The following UBE2QL1 variants were observed in gnomAD, a reference collection of about 807,000 sequenced individuals.
UBE2QL1 encodes the protein ubiquitin-conjugating enzyme E2Q-like protein 1.
Under a neutral mutation model 12.6 loss-of-function variants are expected in UBE2QL1, and 5 were observed. The ratio of observed to expected loss-of-function variants is 0.40; its 90% CI spans 0.21 to 0.83. UBE2QL1 has a LOEUF of 0.83. UBE2QL1 is among the 40% of genes least tolerant of loss of function. The probability of loss-of-function intolerance (pLI) is 0.37; values close to 1 mark genes in which losing one functional copy is unlikely to be tolerated. For missense variants in UBE2QL1, 99 were observed against 222.6 expected (o/e 0.44, Z 3.53); for synonymous variants, 96 against 94.5 (o/e 1.02, Z -0.10).
At chr5:6,470,802 A>G (rs1463100732) in intron 1 of UBE2QL1, among the ~76,000 whole-genome samples, 1 of 152,148 alleles carries the variant, frequency 6.6e-6, no homozygotes, top group African/African-American at 2.4e-5. Flanking sequence ...CTTGTACCCT[A>G]ATTACCATAG....
rs186796545 is a variant in UBE2QL1 at position 6,495,905 on chromosome 5, C to T, written c.*4556C>T. ...TTTTAAGCCCAGGGCCTGTCTGATC[C>T]ACAGAATGTGGTCAATAATCTGGAA... On this transcript the variant is annotated 3_prime_UTR_variant, in exon 2 of 2. Coordinates refer to ENST00000399816, the MANE Select transcript of UBE2QL1 (RefSeq NM_001145161.3). Among the ~76,000 whole-genome samples the T allele has an allele frequency of 1.1e-3, 164 of 152,272 alleles. 1 individual carries two copies. Among genetic ancestry groups the T allele is most frequent in the African/African-American group, 3.8e-3 (156 of 41,548 alleles).
intron 1 of UBE2QL1, among the ~76,000 whole-genome samples, chr5:6,480,920 T>A (rs966902665): frequency 2.2e-4 from 34 of 152,200 alleles, no homozygotes; most frequent in African/African-American, 8.2e-4. Flanking sequence ...GGCAAGCATT[T>A]CATAAACCTC....
At chr5:6,470,535 C>T (rs1360877499) in intron 1 of UBE2QL1, among the ~76,000 whole-genome samples, 1 of 152,224 alleles carries the variant, frequency 6.6e-6, no homozygotes, top group Non-Finnish European at 1.5e-5. Context: ...TGTGCACACA[C>T]ACACTTCCAC....
intron 1 of UBE2QL1, among the ~76,000 whole-genome samples, chr5:6,475,542 C>T (rs559324858): frequency 6.6e-6 from 1 of 152,308 alleles, no homozygotes; most frequent in South Asian, 2.1e-4. Context: ...TGGAATGATA[C>T]TGTATGGCCC....
chr5:6,494,707 A>G lies in UBE2QL1; in HGVS notation c.*3358A>G, dbSNP rs1734637878. The G allele has an allele frequency of 6.6e-6, 1 of 152,234 alleles. No individual in the cohort carries two copies. Among genetic ancestry groups the G allele is most frequent in the Non-Finnish European group, 1.5e-5 (1 of 68,046 alleles). The allele number at this position is 152,234 out of a possible 1,614,324, so 9.4% of individuals were successfully genotyped here. ...AGAACCCACTTAGATATCGACTCAG[A>G]ATGATCAATTACAGTGGTTAAAATA... On this transcript the variant is annotated 3_prime_UTR_variant, in exon 2 of 2. Coordinates refer to ENST00000399816, the MANE Select transcript of UBE2QL1 (RefSeq NM_001145161.3).
chr5:6,485,046 A>G (rs1236523269), intron 1 of UBE2QL1, among the ~76,000 whole-genome samples: 1 of 152,058 alleles, frequency 6.6e-6, no homozygotes, highest in East Asian at 1.9e-4. Flanking sequence ...ATGGACACAC[A>G]TGCTCACATG....
chr5:6,448,871 C>T lies in UBE2QL1; in HGVS notation c.-23C>T, dbSNP rs1174306202. 3.4e-6 allele frequency: 5 copies of T among 1,468,386 alleles called. No homozygotes were observed. The highest frequency in any genetic ancestry group is 4.5e-6 in the Non-Finnish European group (5 of 1,107,336). The allele number at this position is 1,468,386 out of a possible 1,614,324, so 91.0% of individuals were successfully genotyped here. A position where few individuals can be genotyped will look rare whatever the true frequency, so the allele number is the denominator to read the frequency against. The stretch of plus-strand genomic sequence containing the variant: ...CCCGCGGCGCGCCAGCAACACTGCA[C>T]GCAGGTGCGCAGCCGGCGGCTCATG... On this transcript the variant is annotated 5_prime_UTR_variant, in exon 1 of 2. The change creates a new upstream start codon in the 5' untranslated region. Coordinates refer to ENST00000399816, the MANE Select transcript of UBE2QL1 (RefSeq NM_001145161.3).
Position 6,491,311 on chromosome 5 carries a change from A to G in UBE2QL1, c.448A>G (p.Lys150Glu). 4 of 1,551,410 alleles carry G rather than the reference A, an allele frequency of 2.6e-6. No individual in the cohort carries two copies. The highest frequency in any genetic ancestry group is 3.5e-6 in the Non-Finnish European group (4 of 1,146,928). Reference sequence around the variant, plus strand: ...TAAGAGTTTGGTGAAGACGCATGAAAAATATGGTTGGGTCACCCCGCCCGT... The same window carrying G: ...TAAGAGTTTGGTGAAGACGCATGAAGAATATGGTTGGGTCACCCCGCCCGT... ...TFKSLVKTHE[K>E]YGWVTPPVSD... Residue 150 changes from lysine (K) to glutamate (E), a missense_variant, in exon 2 of 2, where the codon AAA becomes GAA. Lys to Glu is a moderately conservative substitution (Grantham distance 56, BLOSUM62 1). Transcript: ENST00000399816.
At chr5:6,452,284 G>T (rs1184967806) in intron 1 of UBE2QL1, among the ~76,000 whole-genome samples, 1 of 152,126 alleles carries the variant, frequency 6.6e-6, no homozygotes, top group Non-Finnish European at 1.5e-5. Flanking sequence ...AGACTCTCTG[G>T]CCTGTGTTAC....
At chr5:6,464,793 G>A (rs1157706892) in intron 1 of UBE2QL1, among the ~76,000 whole-genome samples, 1 of 152,172 alleles carries the variant, frequency 6.6e-6, no homozygotes, top group African/African-American at 2.4e-5. Flanking sequence ...GACTTAGAGT[G>A]CAGCTAATTT....
At chr5:6,453,010 T>A (rs1331223255) in intron 1 of UBE2QL1, among the ~76,000 whole-genome samples, 3 of 152,162 alleles carry the variant, frequency 2.0e-5, no homozygotes, top group Non-Finnish European at 2.9e-5. Context: ...TCCTCACTCC[T>A]CTCCTGGCCC....
intron 1 of UBE2QL1, among the ~76,000 whole-genome samples, chr5:6,480,934 G>A (rs964516129): frequency 2.6e-5 from 4 of 152,184 alleles, no homozygotes; most frequent in Middle Eastern, 3.4e-3. Context: ...AAACCTCTGG[G>A]GGTTACAGGT....
At position 6,472,113 on chromosome 5, in the gene UBE2QL1, G is replaced by A. The variant is rs1322805177; in HGVS notation, c.355-19105G>A. Among the ~76,000 whole-genome samples, 3 of 152,176 alleles carry A rather than the reference G, an allele frequency of 2.0e-5. No homozygotes were observed. The East Asian group carries it at 5.8e-4, about 29-fold the overall frequency. On this transcript the variant is annotated intron_variant, in intron 1 of 1. Transcript: ENST00000399816. ...CCTCTGTGCCTTGCTCTGAATCTTA[G>A]TTATTTCACCCAGAACTTGGGCTGG...
At chr5:6,489,240 T>A (rs6860224) in intron 1 of UBE2QL1, among the ~76,000 whole-genome samples, 29,636 of 151,942 alleles carry the variant, frequency 0.2, 6,383 homozygotes, top group African/African-American at 0.53. Flanking sequence ...GCCTGGGCAA[T>A]ATAGTGAGAC....
chr5:6,482,163 T>G (rs1251545472), intron 1 of UBE2QL1, among the ~76,000 whole-genome samples: 2 of 152,194 alleles, frequency 1.3e-5, no homozygotes, highest in Non-Finnish European at 2.9e-5. Context: ...GCCAACAGGC[T>G]GAGGCACACA....
In UBE2QL1 at chr5:6,493,434, T is replaced by C. The variant is rs1455021388; in HGVS notation, c.*2085T>C. The C allele has an allele frequency of 6.6e-6, 1 of 152,236 alleles. No individual in the cohort carries two copies. Among genetic ancestry groups the C allele is most frequent in the Non-Finnish European group, 1.5e-5 (1 of 68,042 alleles). The allele number at this position is 152,236 out of a possible 1,614,324, so 9.4% of individuals were successfully genotyped here. On this transcript the variant is annotated 3_prime_UTR_variant, in exon 2 of 2. Transcript: ENST00000399816. ...AGGCAGGTCATTTCAGTAGTGTTTATTAGCTGATTGAAAAACAGGTTCACG... is the reference window on the plus strand; with the variant it reads ...AGGCAGGTCATTTCAGTAGTGTTTACTAGCTGATTGAAAAACAGGTTCACG...
At position 6,481,287 on chromosome 5, in the gene UBE2QL1, G is replaced by A. The variant is rs117935885; in HGVS notation, c.355-9931G>A. Among the ~76,000 whole-genome samples the A allele has an allele frequency of 9.8e-5, 15 of 152,304 alleles. No individual in the cohort carries two copies. The East Asian group carries it at 2.9e-3, about 29-fold the overall frequency. ...TCCTAAGACAGCGTCTCTCTCTGCA[G>A]GCCTGGCCCCGGGTCACTTGGCATG... On this transcript the variant is annotated intron_variant, in intron 1 of 1. Transcript: ENST00000399816. This position sits in a 1 kb window ranked among gnomAD's most constrained non-coding sequence, Gnocchi z 4.5.
chr5:6,494,187 G>C lies in UBE2QL1; in HGVS notation c.*2838G>C, dbSNP rs1329568603. On this transcript the variant is annotated 3_prime_UTR_variant, in exon 2 of 2. Transcript: ENST00000399816. The stretch of plus-strand genomic sequence containing the variant: ...CCTGAACCAATCACCCTTGTTATTG[G>C]GTATCTTCTCCACTGCTGGGTAAGG... 1.3e-5 allele frequency: 2 copies of C among 152,094 alleles called. No individual in the cohort carries two copies. Among genetic ancestry groups the C allele is most frequent in the Non-Finnish European group, 1.5e-5 (1 of 68,040 alleles). 9.4% of individuals were successfully genotyped at this position (152,094 alleles called of 1,614,324 possible). A position where few individuals can be genotyped will look rare whatever the true frequency, so the allele number is the denominator to read the frequency against.
At chr5:6,459,269 C>T (rs945778589) in intron 1 of UBE2QL1, among the ~76,000 whole-genome samples, 5 of 152,070 alleles carry the variant, frequency 3.3e-5, no homozygotes, top group Non-Finnish European at 7.4e-5. Flanking sequence ...AGGACATTAC[C>T]GTAAGTCACA....
Sources: allele counts gnomAD v4.1 joint callset (sites outside exome capture counted in the v4.1 genomes callset), GRCh38; gene constraint gnomAD v4.1.1; non-coding constraint Gnocchi (gnomAD v3.1); transcripts MANE v1.5; gene names NCBI Gene and HGNC (gene_info 2026-07-23, HGNC 2026-07-21).